Variants in SNTG2 observed in about 807,000 individuals in gnomAD.
SNTG2 encodes the protein gamma-2-syntrophin.
Under a neutral mutation model 70.9 loss-of-function variants are expected in SNTG2, and 74 were observed. The ratio of observed to expected loss-of-function variants is 1.04; its 90% CI spans 0.86 to 1.27. The LOEUF is 1.27. Ranked by LOEUF, SNTG2 falls within the 50% of genes most tolerant of loss-of-function variation. The pLI, the probability that SNTG2 is intolerant of heterozygous loss-of-function variation, is 0.00. For missense variants in SNTG2, 717 were observed against 690.7 expected (o/e 1.04, Z -0.43); for synonymous variants, 278 against 273.8 (o/e 1.02, Z -0.15).
intron 1 of SNTG2, among the ~76,000 whole-genome samples, chr2:1,065,551 T>C (rs1188975045): frequency 6.6e-6 from 1 of 152,186 alleles, no homozygotes. Context: ...TATTATGAGA[T>C]GATGTTTGTT....
chr2:1,247,494 C>A, intron 12 of SNTG2, 51 bp downstream of exon 12: 1 of 1,285,680 alleles, frequency 7.8e-7, no homozygotes, highest in Non-Finnish European at 1.1e-6. Context: ...GAGGGCTATT[C>A]CTGTAGGAGG....
intron 6 of SNTG2, among the ~76,000 whole-genome samples, chr2:1,150,866 T>C (rs66540268): frequency 0.94 from 142,612 of 152,098 alleles, 66,977 homozygotes; most frequent in Non-Finnish European, 0.97. Context: ...TCCCGGGGAC[T>C]TGCCTGGAGC....
intron 1 of SNTG2, among the ~76,000 whole-genome samples, chr2:1,049,246 G>A (rs1470510810): frequency 6.6e-6 from 1 of 152,170 alleles, no homozygotes; most frequent in African/African-American, 2.4e-5. Flanking sequence ...GTAATGACAG[G>A]TAGGTATCCA....
chr2:1,233,835 C>T (rs767417031), intron 9 of SNTG2, among the ~76,000 whole-genome samples: 17 of 151,710 alleles, frequency 1.1e-4, no homozygotes, highest in Non-Finnish European at 1.5e-4. Flanking sequence ...TCAAAAGTGC[C>T]GACACAGTCA....
At chr2:1,230,950 G>A (rs1480687372) in intron 9 of SNTG2, among the ~76,000 whole-genome samples, 2 of 152,136 alleles carry the variant, frequency 1.3e-5, no homozygotes, top group East Asian at 3.9e-4. Flanking sequence ...AAGTTACTTA[G>A]GATAATGACA....
chr2:1,168,166 T>C (rs58599729), intron 7 of SNTG2, among the ~76,000 whole-genome samples: 8,785 of 61,732 alleles, frequency 0.14, 557 homozygotes, highest in Non-Finnish European at 0.18. Context: ...CGCCCACAGA[T>C]GGCAGAACTG....
At chr2:1,189,652 G>A (rs919295486) in intron 8 of SNTG2, among the ~76,000 whole-genome samples, 5 of 151,728 alleles carry the variant, frequency 3.3e-5, no homozygotes, top group South Asian at 4.2e-4. Context: ...TCTGCCTCCC[G>A]GGTTCAAGTG....
intron 6 of SNTG2, among the ~76,000 whole-genome samples, chr2:1,159,058 G>A (rs1670090486): frequency 6.6e-6 from 1 of 151,906 alleles, no homozygotes; most frequent in African/African-American, 2.4e-5. Context: ...GTGTCCACGG[G>A]TGTACCTGTG....
intron 8 of SNTG2, among the ~76,000 whole-genome samples, chr2:1,190,115 G>A (rs948502642): frequency 6.6e-6 from 1 of 152,028 alleles, no homozygotes; most frequent in Non-Finnish European, 1.5e-5. Flanking sequence ...CGATAGTAAT[G>A]TGGAAAGACC....
At chr2:1,162,066 C>G (rs189241002) in intron 6 of SNTG2, among the ~76,000 whole-genome samples, 3 of 69,428 alleles carry the variant, frequency 4.3e-5, no homozygotes, top group African/African-American at 1.8e-4. Flanking sequence ...AGTGAGACTC[C>G]GTCTCAAAAA....
At chr2:1,005,345 G>A (rs992055176) in intron 1 of SNTG2, among the ~76,000 whole-genome samples, 3 of 151,996 alleles carry the variant, frequency 2.0e-5, no homozygotes, top group African/African-American at 4.8e-5. Flanking sequence ...ACATGTCCAC[G>A]TAGGTTCACC....
intron 1 of SNTG2, among the ~76,000 whole-genome samples, chr2:997,502 T>C (rs1411692203): frequency 6.6e-6 from 1 of 152,242 alleles, no homozygotes; most frequent in Non-Finnish European, 1.5e-5. Flanking sequence ...AGTAGCATGA[T>C]CTGATCTTCA....
chr2:1,253,583 CCTT>C (rs1677884101), intron 12 of SNTG2, among the ~76,000 whole-genome samples: 3 of 152,102 alleles, frequency 2.0e-5, no homozygotes, highest in South Asian at 4.1e-4. Flanking sequence ...AAGGTAAAGT[CCTT>C]CTTTGAACGG....
intron 4 of SNTG2, among the ~76,000 whole-genome samples, chr2:1,109,775 A>G (rs1293001166): frequency 6.6e-6 from 1 of 152,252 alleles, no homozygotes; most frequent in Non-Finnish European, 1.5e-5. Flanking sequence ...ATTTATCTGT[A>G]AGATAGGCCT....
At chr2:1,214,622 A>G (rs1194446113) in intron 9 of SNTG2, among the ~76,000 whole-genome samples, 1 of 152,148 alleles carries the variant, frequency 6.6e-6, no homozygotes, top group Non-Finnish European at 1.5e-5. Context: ...TTCCTTTATT[A>G]AGTCTAACAG....
intron 12 of SNTG2, among the ~76,000 whole-genome samples, chr2:1,252,557 G>C (rs561859889): frequency 5.9e-5 from 9 of 152,278 alleles, no homozygotes; most frequent in South Asian, 2.1e-4. Context: ...TGCCTGTGCT[G>C]GGCTCCTGCT....
intron 1 of SNTG2, among the ~76,000 whole-genome samples, chr2:1,076,219 T>A (rs573389144): frequency 1.3e-5 from 2 of 152,226 alleles, no homozygotes; most frequent in Non-Finnish European, 2.9e-5. Context: ...TTAGAATTCT[T>A]GATAACCAAG....
At chr2:1,329,704 G>A (rs1252018245) in intron 16 of SNTG2, among the ~76,000 whole-genome samples, 4 of 152,172 alleles carry the variant, frequency 2.6e-5, no homozygotes, top group Non-Finnish European at 5.9e-5. Context: ...ACAAAAGTCC[G>A]ATTGACAAGA....
rs964296457 is a variant in SNTG2 at position 960,370 on chromosome 2, G to T, written c.72+9302G>T. Among the ~76,000 whole-genome samples the T allele has an allele frequency of 4.6e-5, 7 of 152,188 alleles. No individual in the cohort carries two copies. The East Asian group carries it at 9.6e-4, about 21-fold the overall frequency. On this transcript the variant is annotated intron_variant, in intron 1 of 16. Transcript: ENST00000308624. ...CCTGTTCTCCTTTGTTCTCTCCTTTGTTGGGAATGCTTCAGTGCACGATGC... is the reference window on the plus strand; with the variant it reads ...CCTGTTCTCCTTTGTTCTCTCCTTTTTTGGGAATGCTTCAGTGCACGATGC...
Sources: gnomAD v4.1 joint callset for allele counts (sites outside exome capture counted in the v4.1 genomes callset) on GRCh38, gnomAD v4.1.1 for gene constraint, MANE v1.5 for transcripts, NCBI Gene and HGNC (gene_info 2026-07-23, HGNC 2026-07-21) for gene names.